ADGRE2: variants seen among roughly 807,000 people sequenced by gnomAD.
ADGRE2 encodes CD97 antigen.
Under a neutral mutation model 100.8 loss-of-function variants are expected in ADGRE2, and 83 were observed. The observed-to-expected ratio is 0.82, with a 90% CI of 0.69 to 0.99. The LOEUF is 0.99. Among genes scored for constraint, ADGRE2 ranks in the 50% least tolerant of loss-of-function variants. The probability of loss-of-function intolerance (pLI) is 0.00; values close to 1 mark genes in which losing one functional copy is unlikely to be tolerated. For synonymous variants in ADGRE2, 355 were observed against 413.0 expected (o/e 0.86, Z 1.70); for missense variants, 814 against 1,035.7 (o/e 0.79, Z 2.94).
At chr19:14,769,557 C>T (rs904033617) in intron 5 of ADGRE2, among the ~76,000 whole-genome samples, 1 of 152,330 alleles carries the variant, frequency 6.6e-6, no homozygotes, top group African/African-American at 2.4e-5. Flanking sequence ...CTGCTCCGAA[C>T]TAGCAGGCTG....
At chr19:14,745,751 C>G (rs1410408728) in intron 18 of ADGRE2, among the ~76,000 whole-genome samples, 1 of 151,658 alleles carries the variant, frequency 6.6e-6, no homozygotes, top group Non-Finnish European at 1.5e-5. Context: ...ACTACAGGTG[C>G]CTGCCACCAT....
At chr19:14,751,315 A>T (rs1372444326) in intron 16 of ADGRE2, 121 bp downstream of exon 16, 3 of 689,520 alleles carry the variant, frequency 4.4e-6, no homozygotes, top group Non-Finnish European at 7.7e-6. Flanking sequence ...TAATCCAACC[A>T]ATAGAGCCTA....
rs893365446 is a variant in ADGRE2, at chr19:14,762,580, C to T, written c.1084+1853G>A. On this transcript the variant is annotated intron_variant, in intron 11 of 20. Transcript: ENST00000315576. ...ATAGAGGTGACGGTTGTATAACTTTCTGAATATACTAGATTCTACCGAAAC... is the reference window on the plus strand; with the variant it reads ...ATAGAGGTGACGGTTGTATAACTTTTTGAATATACTAGATTCTACCGAAAC... 3.4e-4 allele frequency among the ~76,000 whole-genome samples: 52 copies of T among 152,004 alleles called. 1 individual carries two copies. Among genetic ancestry groups the T allele is most frequent in the African/African-American group, 1.2e-3 (50 of 41,376 alleles).
At chr19:14,762,600 C>A (rs147713362) in intron 11 of ADGRE2, among the ~76,000 whole-genome samples, 5 of 150,704 alleles carry the variant, frequency 3.3e-5, no homozygotes, top group Non-Finnish European at 7.4e-5. Flanking sequence ...TAGATTCTAC[C>A]GAAACACACG....
intron 20 of ADGRE2, among the ~76,000 whole-genome samples, chr19:14,737,154 A>G (rs1165371787): frequency 6.6e-6 from 1 of 150,512 alleles, no homozygotes; most frequent in Non-Finnish European, 1.5e-5. Flanking sequence ...TACACAATAA[A>G]ATTTATTAAA....
chr19:14,729,864 G>A (rs559106858), downstream of ADGRE2, among the ~76,000 whole-genome samples: 17 of 152,172 alleles, frequency 1.1e-4, no homozygotes, highest in Non-Finnish European at 2.4e-4. Context: ...TAAACATCAT[G>A]TTGCTCTTGA....
chr19:14,767,403 T>C (rs2044030924), intron 5 of ADGRE2, among the ~76,000 whole-genome samples: 1 of 151,992 alleles, frequency 6.6e-6, no homozygotes, highest in South Asian at 2.1e-4. Context: ...CATGCCCGGC[T>C]AATTTTTTGT....
At chr19:14,750,245 A>G (rs1370757586) in intron 16 of ADGRE2, among the ~76,000 whole-genome samples, 1 of 131,108 alleles carries the variant, frequency 7.6e-6, no homozygotes, top group Non-Finnish European at 1.6e-5. Context: ...AAAATTACAT[A>G]TAAAATAATC....
At chr19:14,775,928 C>T (rs1486185946) in intron 2 of ADGRE2, among the ~76,000 whole-genome samples, 1 of 151,466 alleles carries the variant, frequency 6.6e-6, no homozygotes, top group Non-Finnish European at 1.5e-5. Flanking sequence ...CCGCATGCTT[C>T]CTCAGGGACA....
chr19:14,769,238 T>TAAAAC (rs2044105783), intron 5 of ADGRE2, among the ~76,000 whole-genome samples: 1 of 151,646 alleles, frequency 6.6e-6, no homozygotes, highest in Non-Finnish European at 1.5e-5. Flanking sequence ...TCTTTACTAA[T>TAAAAC]AAAACAAAAC....
At chr19:14,736,516 C>T (rs2042748723) in intron 20 of ADGRE2, among the ~76,000 whole-genome samples, 1 of 151,786 alleles carries the variant, frequency 6.6e-6, no homozygotes, top group Non-Finnish European at 1.5e-5. Context: ...CTGCCTCAGC[C>T]TCCCAAAGTG....
In ADGRE2 at chr19:14,772,349, C is replaced by T. The variant is rs768548704; in HGVS notation, c.348G>A (p.Thr116=). ...AKTFKNESEN[T]CQDVDECQQN... ...ATGTGGGGTGGTTCTTACCTTGACA[C>T]GTGTTCTCGCTCTCATTCTTGAATG... The change falls in exon 5 of 21, where the codon ACG becomes ACA. Residue 116 remains threonine, a synonymous_variant. Transcript: ENST00000315576. 9.9e-6 allele frequency: 16 copies of T among 1,614,004 alleles called. No individual in the cohort carries two copies. The highest frequency in any genetic ancestry group is 8.3e-5 in the Admixed American group (5 of 59,984).
the ADGRE2 span, among the ~76,000 whole-genome samples, chr19:14,726,169 A>G: frequency 6.6e-6 from 1 of 152,172 alleles, no homozygotes; most frequent in African/African-American, 2.4e-5. Context: ...AACCCAAGCT[A>G]TACCTGGGCC....
chr19:14,775,622 G>A (rs1213580108), intron 2 of ADGRE2, among the ~76,000 whole-genome samples: 1 of 151,990 alleles, frequency 6.6e-6, no homozygotes, highest in Admixed American at 6.6e-5. Flanking sequence ...ACTTTGGGAG[G>A]CCAAGGTGGG....
downstream of ADGRE2, chr19:14,731,106 T>A: frequency 7.7e-7 from 1 of 1,301,396 alleles, no homozygotes; most frequent in Non-Finnish European, 1.1e-6. Flanking sequence ...CCCCCAAGGA[T>A]TGGCCCCTTT....
At position 14,769,805 on chromosome 19, in the gene ADGRE2, TCTC is replaced by T. The variant is rs775156816; in HGVS notation, c.355+2534_355+2536del. Among the ~76,000 whole-genome samples, 142 of 152,246 alleles carry T rather than the reference TCTC, an allele frequency of 9.3e-4. 1 individual carries two copies. The highest frequency in any genetic ancestry group is 1.7e-3 in the Non-Finnish European group (117 of 68,004). ...GCTCCGCCTCCCAGGTTCATGCCAT[TCTC>T]CTGCCTCAGTCTCTGATTAGCTGGG... is the stretch of plus-strand genomic sequence containing the variant. On this transcript the variant is annotated intron_variant, in intron 5 of 20. Transcript: ENST00000315576.
intron 14 of ADGRE2, 135 bp from the exon 15 acceptor site, chr19:14,752,661 C>G: frequency 8.9e-7 from 1 of 1,127,256 alleles, no homozygotes. Flanking sequence ...GAAGATGTCA[C>G]CAATTTAATT....
intron 20 of ADGRE2, among the ~76,000 whole-genome samples, chr19:14,736,837 ATC>A (rs1449029155): frequency 2.7e-4 from 40 of 145,602 alleles, no homozygotes; most frequent in East Asian, 2.0e-3. Flanking sequence ...GATATTTAAT[ATC>A]TATATATTTA....
chr19:14,770,397 C>T (rs1425840725), intron 5 of ADGRE2, among the ~76,000 whole-genome samples: 1 of 152,152 alleles, frequency 6.6e-6, no homozygotes, highest in East Asian at 1.9e-4. Context: ...ACATGGCCTG[C>T]AGAACCATGA....
Sources: allele counts gnomAD v4.1 joint callset (sites outside exome capture counted in the v4.1 genomes callset), GRCh38; gene constraint gnomAD v4.1.1; transcripts MANE v1.5; gene names NCBI Gene and HGNC (gene_info 2026-07-23, HGNC 2026-07-21).